The following SYNRG variants were observed in gnomAD, a reference collection of about 807,000 sequenced individuals.
SYNRG encodes the protein synergin gamma.
Under a neutral mutation model 130.9 loss-of-function variants are expected in SYNRG, and 37 were observed. The ratio of observed to expected loss-of-function variants is 0.28; its 90% CI spans 0.22 to 0.37. The LOEUF (loss-of-function observed/expected upper bound fraction) is 0.37. SYNRG is among the 10% of genes least tolerant of loss of function. The probability of loss-of-function intolerance (pLI) is 1.00; values close to 1 mark genes in which losing one functional copy is unlikely to be tolerated. For missense variants in SYNRG, 1,338 were observed against 1,588.9 expected (o/e 0.84, Z 2.68); for synonymous variants, 539 against 568.1 (o/e 0.95, Z 0.73).
chr17:37,536,315 A>T (rs2057190627), intron 18 of SYNRG, 188 bp from the exon 19 acceptor site: 1 of 692,182 alleles, frequency 1.4e-6, no homozygotes, highest in Non-Finnish European at 2.3e-6. Context: ...AAGAGCATAG[A>T]AGCTGCACTG....
intron 20 of SYNRG, 131 bp from the exon 21 acceptor site, chr17:37,520,345 G>T: frequency 7.9e-7 from 1 of 1,262,678 alleles, no homozygotes; most frequent in Non-Finnish European, 1.1e-6. Flanking sequence ...AGGCATGAGA[G>T]CCGCGTCCAT....
At chr17:37,566,840 C>G (rs1452387763) in intron 11 of SYNRG, 1 of 152,166 alleles carries the variant, frequency 6.6e-6, no homozygotes, top group Non-Finnish European at 1.5e-5. Context: ...AACCCACATA[C>G]TATAATATAG....
At chr17:37,608,572 T>A (rs546402774) in intron 1 of SYNRG, among the ~76,000 whole-genome samples, 2 of 152,298 alleles carry the variant, frequency 1.3e-5, no homozygotes, top group South Asian at 4.1e-4. Context: ...GGCAGATTTG[T>A]TTAAGGGCTG....
intron 9 of SYNRG, among the ~76,000 whole-genome samples, chr17:37,571,400 G>A (rs1283004115): frequency 2.0e-5 from 3 of 152,022 alleles, no homozygotes; most frequent in Non-Finnish European, 4.4e-5. Flanking sequence ...TGGCCAACAT[G>A]GTAAAACCCC....
intron 19 of SYNRG, chr17:37,529,797 G>A (rs1382937323): frequency 3.9e-6 from 6 of 1,551,376 alleles, no homozygotes; most frequent in East Asian, 2.4e-5. Flanking sequence ...TCTTCTAAGA[G>A]CTCATGGTAA....
At chr17:37,569,167 T>C (rs118033187) in intron 10 of SYNRG, among the ~76,000 whole-genome samples, 4,570 of 152,392 alleles carry the variant, frequency 0.03, 92 homozygotes, top group Non-Finnish European at 0.043. Context: ...CCCAGCACTT[T>C]GGGAGATCGA....
intron 6 of SYNRG, among the ~76,000 whole-genome samples, chr17:37,578,741 C>T (rs911668663): frequency 4.6e-5 from 7 of 152,220 alleles, no homozygotes; most frequent in Admixed American, 4.6e-4. Flanking sequence ...AGTAAATGGA[C>T]AACCTGGGCT....
At chr17:37,586,287 C>T (rs1036184691) in intron 4 of SYNRG, 132 bp downstream of exon 4, 7 of 1,321,640 alleles carry the variant, frequency 5.3e-6, no homozygotes, top group Non-Finnish European at 6.1e-6. Flanking sequence ...AACCACTGGG[C>T]CAGGCCTTAA....
intron 8 of SYNRG, among the ~76,000 whole-genome samples, chr17:37,575,388 T>C (rs760128666): frequency 2.2e-4 from 34 of 152,186 alleles, no homozygotes; most frequent in Non-Finnish European, 4.3e-4. Context: ...TTACACATTG[T>C]ATGTCTGTAT....
intron 8 of SYNRG, among the ~76,000 whole-genome samples, chr17:37,574,753 C>T (rs563206242): frequency 1.7e-4 from 26 of 151,984 alleles, no homozygotes; most frequent in South Asian, 1.0e-3. Context: ...CAGGCAATAA[C>T]GAATGCTGGT....
chr17:37,530,291 A>G (rs1225001321), intron 19 of SYNRG, among the ~76,000 whole-genome samples: 1 of 152,210 alleles, frequency 6.6e-6, no homozygotes, highest in Non-Finnish European at 1.5e-5. Context: ...CGGGGAGAAC[A>G]GAAGTATCTA....
intron 16 of SYNRG, 47 bp downstream of exon 16, chr17:37,540,333 T>G: frequency 6.3e-7 from 1 of 1,597,520 alleles, no homozygotes; most frequent in Non-Finnish European, 8.5e-7. Context: ...GGGCCCTGTG[T>G]GCTTGCTGGT....
chr17:37,540,630 CTT>C (rs767724523), intron 15 of SYNRG, 87 bp from the exon 16 acceptor site: 43,973 of 674,358 alleles, frequency 0.065, no homozygotes, highest in South Asian at 0.084. Context: ...CAACCCTCTT[CTT>C]TTTTTTTTTT....
At position 37,536,029 on chromosome 17, in the gene SYNRG, C is replaced by T. The variant is rs200774757; in HGVS notation, c.3616G>A (p.Asp1206Asn). The T allele has an allele frequency of 3.5e-5, 56 of 1,613,922 alleles. No individual in the cohort carries two copies. Among genetic ancestry groups the T allele is most frequent in the Middle Eastern group, 3.3e-4 (2 of 6,084 alleles). ...EKLQQLLKDIDKVWNNLIGFM... is the reference protein window; with the variant it reads ...EKLQQLLKDINKVWNNLIGFM... Reference sequence around the variant, plus strand: ...CCGATTAGGTTATTCCATACTTTATCGATGTCCTTCAGCAACTGCTGGAGT... The same window carrying T: ...CCGATTAGGTTATTCCATACTTTATTGATGTCCTTCAGCAACTGCTGGAGT... The change falls in exon 19 of 22, where the codon GAT becomes AAT. Residue 1206 changes from aspartate (D) to asparagine (N), a missense_variant. Transcript: ENST00000612223.
At chr17:37,551,067 T>G (rs2058674402) in intron 14 of SYNRG, among the ~76,000 whole-genome samples, 1 of 152,198 alleles carries the variant, frequency 6.6e-6, no homozygotes, top group Non-Finnish European at 1.5e-5. Flanking sequence ...CAGAGTTAAG[T>G]TAGGGCTTCT....
At chr17:37,564,797 G>A (rs1454271328) in intron 11 of SYNRG, among the ~76,000 whole-genome samples, 2 of 152,218 alleles carry the variant, frequency 1.3e-5, no homozygotes, top group Admixed American at 6.5e-5. Flanking sequence ...CTAAGAGAAC[G>A]TTATCAGATA....
At position 37,540,483 on chromosome 17, in the gene SYNRG, G is replaced by A. The variant is rs2057644535; in HGVS notation, c.3263C>T (p.Pro1088Leu). 6.2e-7 allele frequency: 1 copy of A among 1,613,922 alleles called. No individual in the cohort carries two copies. Among genetic ancestry groups the A allele is most frequent in the Admixed American group, 1.7e-5 (1 of 59,978 alleles). The change falls in exon 16 of 22, where the codon CCA becomes CTA. Residue 1088 changes from proline (P) to leucine (L), a missense_variant. This residue lies in a region of SYNRG where 1,146 missense variants were observed against 1,342.3 expected (regional missense o/e 0.85). Transcript: ENST00000612223. ...GTCTCTGAAAGGCTGCTCCAAAGCTGGAGAAGGAGAAGAACGGCTTATTTC... is the reference window on the plus strand; with the variant it reads ...GTCTCTGAAAGGCTGCTCCAAAGCTAGAGAAGGAGAAGAACGGCTTATTTC... ...DKEISRSSPSPALEQPFRDRS... is the reference protein window; with the variant it reads ...DKEISRSSPSLALEQPFRDRS...
At chr17:37,560,581 C>T (rs375549252) in intron 13 of SYNRG, among the ~76,000 whole-genome samples, 12 of 151,854 alleles carry the variant, frequency 7.9e-5, no homozygotes, top group Admixed American at 2.0e-4. Context: ...TCAGGTGATC[C>T]GCCCACATCG....
Position 37,571,931 on chromosome 17 carries a change from T to C in SYNRG, c.958A>G (p.Lys320Glu). 1 of 1,614,212 alleles carries C rather than the reference T, an allele frequency of 6.2e-7. No homozygotes were observed. Among genetic ancestry groups the C allele is most frequent in the Non-Finnish European group, 8.5e-7 (1 of 1,180,020 alleles). The change falls in exon 9 of 22, where the codon AAA becomes GAA. Residue 320 changes from lysine to glutamate, a missense_variant. This residue lies in a region of SYNRG where 1,146 missense variants were observed against 1,342.3 expected (regional missense o/e 0.85). Transcript: ENST00000612223. ...GATGACATCAGAATGGGATACAGTT[T>C]GGCAGTATCTATTCCAGTTGGAGTC... ...TMTPTGIDTA[K>E]LYPILMSSGL...
Sources: allele counts gnomAD v4.1 joint callset (sites outside exome capture counted in the v4.1 genomes callset), GRCh38; gene constraint gnomAD v4.1.1; regional missense constraint gnomAD v4.1.1; transcripts MANE v1.5; gene names NCBI Gene and HGNC (gene_info 2026-07-23, HGNC 2026-07-21).